Variants in NTM observed in about 807,000 individuals in gnomAD.
The protein encoded by NTM is IgLON family member 2.
In NTM, 13 loss-of-function variants were observed where a neutral mutation model predicts 42.1. That is an observed-to-expected ratio of 0.31 (90% CI 0.20 to 0.49). NTM has a LOEUF of 0.49. Among genes scored for constraint, NTM ranks in the 20% least tolerant of loss-of-function variants. The probability of loss-of-function intolerance (pLI) is 0.99; values close to 1 mark genes in which losing one functional copy is unlikely to be tolerated. For synonymous variants in NTM, 187 were observed against 179.2 expected (o/e 1.04, Z -0.35); for missense variants, 373 against 452.8 (o/e 0.82, Z 1.60).
At chr11:131,678,151 C>T (rs1041812216) in intron 1 of NTM, among the ~76,000 whole-genome samples, 1 of 152,238 alleles carries the variant, frequency 6.6e-6, no homozygotes, top group Non-Finnish European at 1.5e-5. Flanking sequence ...CTTTTCCTGC[C>T]TGGGGCCCAG....
chr11:132,241,186 C>G (rs1023454812), intron 4 of NTM, among the ~76,000 whole-genome samples: 3 of 152,278 alleles, frequency 2.0e-5, no homozygotes, highest in African/African-American at 7.2e-5. Flanking sequence ...ATCTGAAACA[C>G]TTCTGGTCCA....
intron 2 of NTM, among the ~76,000 whole-genome samples, chr11:131,951,594 C>T (rs571482392): frequency 3.3e-5 from 5 of 152,094 alleles, no homozygotes; most frequent in Non-Finnish European, 7.4e-5. Flanking sequence ...AAGGCTGAGG[C>T]GGGAGGATCA....
intron 1 of NTM, among the ~76,000 whole-genome samples, chr11:131,873,537 T>TGTGTATATATATACGTATATATATACG (rs1565657182): frequency 1.4e-5 from 1 of 72,114 alleles, no homozygotes; most frequent in African/African-American, 3.8e-5. Context: ...TGTGTGTGTG[T>TGTGTATATATATACGTATATATATACG]GTATATATAT....
intron 4 of NTM, among the ~76,000 whole-genome samples, chr11:132,281,384 C>A (rs1229923359): frequency 2.6e-5 from 4 of 152,036 alleles, no homozygotes; most frequent in African/African-American, 9.7e-5. Context: ...AATTCTGTGC[C>A]CACAAAAGCT....
At chr11:132,109,662 A>ACTG (rs142980575) in intron 2 of NTM, among the ~76,000 whole-genome samples, 20,944 of 152,090 alleles carry the variant, frequency 0.14, 1,513 homozygotes, top group Middle Eastern at 0.18. Context: ...ACTGTGTCCC[A>ACTG]CTGGGCCTCT....
rs556044128 is a variant in NTM, at chr11:131,466,681, C to T, written c.82+95793C>T. 4.7e-4 allele frequency among the ~76,000 whole-genome samples: 71 copies of T among 152,288 alleles called. 1 individual carries two copies. The South Asian group carries it at 0.014, about 30-fold the overall frequency. The stretch of plus-strand genomic sequence containing the variant: ...CTCAGTAATTATCTCCATGAATTCC[C>T]TCCTTTCCATTGAAATTAGGTAGCT... On this transcript the variant is annotated intron_variant, in intron 1 of 8. Coordinates refer to ENST00000683400, the MANE Select transcript of NTM (RefSeq NM_001352005.2).
chr11:131,448,510 C>T (rs886549445), intron 1 of NTM, among the ~76,000 whole-genome samples: 3 of 152,202 alleles, frequency 2.0e-5, no homozygotes, highest in Non-Finnish European at 2.9e-5. Flanking sequence ...GATAGACCTG[C>T]GGACCAGGAA....
chr11:131,767,452 TTTATA>T (rs1299884218), intron 1 of NTM, among the ~76,000 whole-genome samples: 1 of 152,062 alleles, frequency 6.6e-6, no homozygotes, highest in East Asian at 1.9e-4. Context: ...CTCCCCCAAA[TTTATA>T]TTGAAACCCT....
At chr11:131,511,416 G>A (rs2048231424) in intron 1 of NTM, among the ~76,000 whole-genome samples, 1 of 152,016 alleles carries the variant, frequency 6.6e-6, no homozygotes, top group African/African-American at 2.4e-5. Context: ...GCTGGCCAGG[G>A]CTCTCATGGG....
intron 2 of NTM, among the ~76,000 whole-genome samples, chr11:131,994,020 G>GAAA (rs1423957384): frequency 2.7e-5 from 3 of 112,118 alleles, no homozygotes; most frequent in Admixed American, 2.7e-4. Context: ...AAAAAAAAAA[G>GAAA]AAGAAGAAGA....
chr11:132,226,047 CT>C (rs1431126510), intron 4 of NTM, among the ~76,000 whole-genome samples: 2 of 152,090 alleles, frequency 1.3e-5, no homozygotes, highest in African/African-American at 2.4e-5. Context: ...TGAACTCATC[CT>C]TTTTATGGCT....
rs1237340010 is a variant in NTM at position 132,318,938 on chromosome 11, G to A, written c.934+4235G>A. 3.9e-5 allele frequency among the ~76,000 whole-genome samples: 6 copies of A among 152,116 alleles called. No homozygotes were observed. The South Asian group carries it at 6.2e-4, about 16-fold the overall frequency. On this transcript the variant is annotated intron_variant, in intron 7 of 8. Transcript: ENST00000683400. ...TACCTTTTTATCATGGAAAGAGTGA[G>A]GGCTGCATTACTCACTTTAGTGATG...
intron 1 of NTM, among the ~76,000 whole-genome samples, chr11:131,674,792 G>A (rs763054895): frequency 1.3e-5 from 2 of 152,148 alleles, no homozygotes; most frequent in Non-Finnish European, 2.9e-5. Context: ...CCTTCCCCGC[G>A]GGATATAGGT....
At chr11:131,935,140 A>G (rs2059073111) in intron 2 of NTM, among the ~76,000 whole-genome samples, 1 of 152,178 alleles carries the variant, frequency 6.6e-6, no homozygotes, top group African/African-American at 2.4e-5. Context: ...ATAAGTTAAT[A>G]TGGAGGGTGT....
chr11:131,571,562 A>G (rs1397446414), intron 1 of NTM, among the ~76,000 whole-genome samples: 2 of 152,336 alleles, frequency 1.3e-5, no homozygotes, highest in Middle Eastern at 3.4e-3. Flanking sequence ...GGAAACCAAA[A>G]CATTTTAAAA....
At chr11:132,184,105 C>T (rs769912220) in intron 3 of NTM, among the ~76,000 whole-genome samples, 15 of 152,116 alleles carry the variant, frequency 9.9e-5, no homozygotes, top group Non-Finnish European at 1.9e-4. Context: ...ATTTTACTAC[C>T]GTTTTTGAGA....
At position 131,773,988 on chromosome 11, in the gene NTM, C is replaced by T. The variant is rs1017301730; in HGVS notation, c.83-137576C>T. Reference sequence around the variant, plus strand: ...CAATAGTGTTAAGGACCTCCAATTCCTGACATCTTCCGTCGTCTCATTTTT... The same window carrying T: ...CAATAGTGTTAAGGACCTCCAATTCTTGACATCTTCCGTCGTCTCATTTTT... On this transcript the variant is annotated intron_variant, in intron 1 of 8. Coordinates refer to ENST00000683400, the MANE Select transcript of NTM (RefSeq NM_001352005.2). The T allele has an allele frequency of 9.1e-6, 9 of 983,862 alleles. No individual in the cohort carries two copies. The African/African-American group carries it at 1.2e-4, about 13-fold the overall frequency. The allele number at this position is 983,862 out of a possible 1,614,324, so 60.9% of individuals were successfully genotyped here. A position where few individuals can be genotyped will look rare whatever the true frequency, so the allele number is the denominator to read the frequency against.
intron 1 of NTM, among the ~76,000 whole-genome samples, chr11:131,717,486 A>G (rs1187413816): frequency 6.6e-6 from 1 of 152,144 alleles, no homozygotes; most frequent in African/African-American, 2.4e-5. Context: ...ATTTTTAATG[A>G]CCCTTTTGAA....
At chr11:132,308,208 A>G (rs2095162263) in intron 5 of NTM, among the ~76,000 whole-genome samples, 1 of 152,194 alleles carries the variant, frequency 6.6e-6, no homozygotes, top group Non-Finnish European at 1.5e-5. Context: ...CATCTCCATA[A>G]TGGGACAAGA....
Sources: allele counts gnomAD v4.1 joint callset (sites outside exome capture counted in the v4.1 genomes callset), GRCh38; gene constraint gnomAD v4.1.1; transcripts MANE v1.5; gene names NCBI Gene and HGNC (gene_info 2026-07-23, HGNC 2026-07-21).